PLCXD3: variants seen among roughly 807,000 people sequenced by gnomAD.
The protein encoded by PLCXD3 is PI-PLC X domain-containing protein 3.
Under a neutral mutation model 25.5 loss-of-function variants are expected in PLCXD3, and 19 were observed. The ratio of observed to expected loss-of-function variants is 0.75; its 90% CI spans 0.52 to 1.09. PLCXD3 has a LOEUF of 1.09. Among genes scored for constraint, PLCXD3 ranks in the 50% least tolerant of loss-of-function variants. PLCXD3 has a pLI of 0.00. For synonymous variants in PLCXD3, 174 were observed against 137.6 expected, an observed-to-expected ratio of 1.26 and a Z score of -1.85; for missense variants, 411 against 388.1, an observed-to-expected ratio of 1.06 and a Z score of -0.50.
intron 1 of PLCXD3, among the ~76,000 whole-genome samples, chr5:41,400,094 A>G (rs574441985): frequency 6.6e-6 from 1 of 152,290 alleles, no homozygotes; most frequent in South Asian, 2.1e-4. Flanking sequence ...CAGATGCACA[A>G]TATCATTGAT....
chr5:41,457,006 A>C (rs918601385), intron 1 of PLCXD3, among the ~76,000 whole-genome samples: 2 of 152,074 alleles, frequency 1.3e-5, no homozygotes, highest in East Asian at 3.9e-4. Context: ...TTTTATGAGA[A>C]TACATTAGCA....
chr5:41,435,151 T>C (rs2150509862), intron 1 of PLCXD3, among the ~76,000 whole-genome samples: 1 of 152,336 alleles, frequency 6.6e-6, no homozygotes, highest in South Asian at 2.1e-4. Context: ...GTAGTGAGAA[T>C]ACTATTTTGT....
chr5:41,458,633 T>C (rs925781376), intron 1 of PLCXD3, among the ~76,000 whole-genome samples: 1 of 151,924 alleles, frequency 6.6e-6, no homozygotes, highest in African/African-American at 2.4e-5. Flanking sequence ...GGGCAAAGGG[T>C]CAGGTCATTT....
At chr5:41,327,936 G>C (rs145322544) in intron 2 of PLCXD3, among the ~76,000 whole-genome samples, 1 of 152,064 alleles carries the variant, frequency 6.6e-6, no homozygotes, top group Non-Finnish European at 1.5e-5. Context: ...CTCCCAAAGC[G>C]CTGGGATTAC....
chr5:41,317,574 A>C (rs1227479076), intron 2 of PLCXD3, among the ~76,000 whole-genome samples: 2 of 152,144 alleles, frequency 1.3e-5, no homozygotes, highest in African/African-American at 2.4e-5. Flanking sequence ...TCAGACAAAG[A>C]ACTCAAAGTA....
chr5:41,478,496 T>C (rs554436772), intron 1 of PLCXD3, among the ~76,000 whole-genome samples: 32 of 152,324 alleles, frequency 2.1e-4, no homozygotes, highest in Admixed American at 2.0e-3. Flanking sequence ...ATTAATAAGT[T>C]GAAAGTATAT....
chr5:41,475,613 C>A, intron 1 of PLCXD3: 1 of 534,774 alleles, frequency 1.9e-6, no homozygotes, highest in South Asian at 1.4e-5. Flanking sequence ...CAGGTCTCTT[C>A]AGGTCTCTGT....
chr5:41,414,589 A>AT (rs1746650392), intron 1 of PLCXD3, among the ~76,000 whole-genome samples: 1 of 152,254 alleles, frequency 6.6e-6, no homozygotes, highest in Non-Finnish European at 1.5e-5. Flanking sequence ...ATAAAAAAGC[A>AT]TAAGTAGCCT....
rs531082671 is a variant in PLCXD3 at position 41,335,960 on chromosome 5, C to G, written c.813-22190G>C. On this transcript the variant is annotated intron_variant, in intron 2 of 2. Coordinates refer to ENST00000377801, the MANE Select transcript of PLCXD3 (RefSeq NM_001005473.3). ...TTCTAAAGGAAATGTTCCGTGGACTCTCACAAATTCATGAGGCTAAATAAA... is the reference window on the plus strand; with the variant it reads ...TTCTAAAGGAAATGTTCCGTGGACTGTCACAAATTCATGAGGCTAAATAAA... Among the ~76,000 whole-genome samples, 56 of 152,236 alleles carry G rather than the reference C, an allele frequency of 3.7e-4. No individual in the cohort carries two copies. The East Asian group carries it at 7.0e-3, about 19-fold the overall frequency.
chr5:41,323,809 A>G (rs2161542), intron 2 of PLCXD3, among the ~76,000 whole-genome samples: 26,089 of 152,112 alleles, frequency 0.17, 3,822 homozygotes, highest in African/African-American at 0.38. Flanking sequence ...GAAGAAAGGG[A>G]CCATGAATTA....
chr5:41,469,718 G>A (rs1378325872), intron 1 of PLCXD3, among the ~76,000 whole-genome samples: 1 of 152,054 alleles, frequency 6.6e-6, no homozygotes, highest in East Asian at 1.9e-4. Context: ...ATAATAAATG[G>A]GAAAAAACTA....
rs113467225 is a variant in PLCXD3 at position 41,419,336 on chromosome 5, T to TA, written c.104-36803dup. On this transcript the variant is annotated intron_variant, in intron 1 of 2. Coordinates refer to ENST00000377801, the MANE Select transcript of PLCXD3 (RefSeq NM_001005473.3). ...TAAAAAGGACCTCACAAAAAAATAC[T>TA]ATACAAGACGTTCTTTCTTTGGAAT... is the stretch of plus-strand genomic sequence containing the variant. 5.6e-4 allele frequency among the ~76,000 whole-genome samples: 85 copies of TA among 152,266 alleles called. 2 individuals are homozygous for TA. The highest frequency in any genetic ancestry group is 2.0e-3 in the African/African-American group (85 of 41,544).
At chr5:41,421,529 G>A (rs796397019) in intron 1 of PLCXD3, among the ~76,000 whole-genome samples, 7 of 151,886 alleles carry the variant, frequency 4.6e-5, no homozygotes, top group Admixed American at 1.3e-4. Flanking sequence ...GTGAAACCCC[G>A]TCTCTACTAA....
At chr5:41,358,087 C>T (rs371216635) in intron 2 of PLCXD3, among the ~76,000 whole-genome samples, 5 of 152,292 alleles carry the variant, frequency 3.3e-5, no homozygotes, top group Admixed American at 6.5e-5. Context: ...ATTGATCACT[C>T]GCTATGTACC....
At position 41,307,033 on chromosome 5, in the gene PLCXD3, T is replaced by G. The variant is rs892767377; in HGVS notation, c.*6584A>C. On this transcript the variant is annotated 3_prime_UTR_variant, in exon 3 of 3. Coordinates refer to ENST00000377801, the MANE Select transcript of PLCXD3 (RefSeq NM_001005473.3). ...TTTACATTAAGAACACAATCTTATTTAAAAAATTCACATTTTCTATACAGA... is the reference window on the plus strand; with the variant it reads ...TTTACATTAAGAACACAATCTTATTGAAAAAATTCACATTTTCTATACAGA... The G allele has an allele frequency of 6.6e-6, 1 of 152,616 alleles. No individual in the cohort carries two copies. 9.5% of individuals were successfully genotyped at this position (152,616 alleles called of 1,614,324 possible).
chr5:41,462,104 A>C (rs1229964146), intron 1 of PLCXD3, among the ~76,000 whole-genome samples: 2 of 152,020 alleles, frequency 1.3e-5, no homozygotes, highest in African/African-American at 2.4e-5. Flanking sequence ...TGTAAGAAAC[A>C]TACATAGTTA....
At chr5:41,374,619 A>AGG (rs1179940568) in intron 2 of PLCXD3, among the ~76,000 whole-genome samples, 4 of 152,130 alleles carry the variant, frequency 2.6e-5, no homozygotes, top group African/African-American at 7.2e-5. Flanking sequence ...TGACAGAGAG[A>AGG]GAGAGACAGA....
chr5:41,489,781 T>C (rs1486602248), intron 1 of PLCXD3, among the ~76,000 whole-genome samples: 1 of 151,642 alleles, frequency 6.6e-6, no homozygotes, highest in African/African-American at 2.4e-5. Context: ...TGTACATTGA[T>C]TTTGTATCCT....
chr5:41,329,231 G>A (rs780843294), intron 2 of PLCXD3, among the ~76,000 whole-genome samples: 29 of 152,282 alleles, frequency 1.9e-4, no homozygotes, highest in Non-Finnish European at 3.7e-4. Context: ...CTAGAGTAAC[G>A]TACTTTCATC....
Sources: allele counts gnomAD v4.1 joint callset (sites outside exome capture counted in the v4.1 genomes callset), GRCh38; gene constraint gnomAD v4.1.1; transcripts MANE v1.5; gene names NCBI Gene and HGNC (gene_info 2026-07-23, HGNC 2026-07-21).